The following EDEM3 variants were observed in gnomAD, a reference collection of about 807,000 sequenced individuals.
EDEM3 encodes the protein ER degradation-enhancing alpha-mannosidase-like protein 3.
A neutral mutation model predicts 110.2 loss-of-function variants in EDEM3; 60 were observed. The observed-to-expected ratio is 0.54, with a 90% CI of 0.44 to 0.67. The LOEUF (loss-of-function observed/expected upper bound fraction) is 0.67, where lower values mean the gene tolerates loss of function less well. Ranked by LOEUF, EDEM3 falls within the 30% of genes least tolerant of loss-of-function variation. The pLI is 0.00. For missense variants in EDEM3, 996 were observed against 1,121.0 expected (o/e 0.89, Z 1.59); for synonymous variants, 352 against 382.9 (o/e 0.92, Z 0.94).
chr1:184,733,093 G>A, intron 5 of EDEM3, 103 bp from the exon 6 acceptor site: 2 of 1,251,456 alleles, frequency 1.6e-6, no homozygotes, highest in Admixed American at 2.6e-5. Context: ...CATATTTAAG[G>A]AAAGACAAAA....
chr1:184,694,818 T>C (rs1649246323), intron 19 of EDEM3, among the ~76,000 whole-genome samples: 1 of 152,052 alleles, frequency 6.6e-6, no homozygotes. Flanking sequence ...ATGGCTAAAA[T>C]GTATTAGATA....
rs1392070521 is a variant in EDEM3, at chr1:184,693,394, T to TA, written c.*668_*669insT. 1 of 152,566 alleles carries TA rather than the reference T, an allele frequency of 6.6e-6. No individual in the cohort carries two copies. Among genetic ancestry groups the TA allele is most frequent in the Non-Finnish European group, 1.5e-5 (1 of 68,024 alleles). The allele number at this position is 152,566 out of a possible 1,614,324, so 9.5% of individuals were successfully genotyped here. On this transcript the variant is annotated 3_prime_UTR_variant, in exon 20 of 20. Transcript: ENST00000318130. ...TTTACCTGGTCCCACTGATTAGTCTTTATGCAGAGAACTCACTGAGAAAGT... is the reference window on the plus strand; with the variant it reads ...TTTACCTGGTCCCACTGATTAGTCTTATATGCAGAGAACTCACTGAGAAAGT...
chr1:184,747,712 A>C (rs1652509795), intron 2 of EDEM3, among the ~76,000 whole-genome samples: 1 of 152,232 alleles, frequency 6.6e-6, no homozygotes, highest in African/African-American at 2.4e-5. Context: ...TTGTAGCAGA[A>C]AGTTACTCAG....
intron 17 of EDEM3, among the ~76,000 whole-genome samples, chr1:184,707,768 T>A (rs564617959): frequency 6.6e-6 from 1 of 152,326 alleles, no homozygotes; most frequent in Non-Finnish European, 1.5e-5. Context: ...CTTTCTCCAG[T>A]CACTTGAGCC....
At chr1:184,698,134 A>C (rs1261605239) in intron 19 of EDEM3, among the ~76,000 whole-genome samples, 3 of 151,792 alleles carry the variant, frequency 2.0e-5, no homozygotes, top group Non-Finnish European at 4.4e-5. Flanking sequence ...AAATATGCTG[A>C]CTAAAATAGG....
rs1358908585 is a variant in EDEM3 at position 184,754,613 on chromosome 1, G to A, written c.34C>T (p.Pro12Ser). The change falls in exon 1 of 20, where the codon CCG becomes TCG. Residue 12 changes from proline (P) to serine (S), a missense_variant. Transcript: ENST00000318130. ...SEAGGRGCGSPVPQRARWRLV... is the reference protein window; with the variant it reads ...SEAGGRGCGSSVPQRARWRLV... ...CTCCATCGCGCTCGCTGGGGAACCGGGGACCCACAGCCCCGGCCGCCGGCT... is the reference window on the plus strand; with the variant it reads ...CTCCATCGCGCTCGCTGGGGAACCGAGGACCCACAGCCCCGGCCGCCGGCT... The A allele has an allele frequency of 1.2e-6, 2 of 1,604,914 alleles. No individual in the cohort carries two copies. Among genetic ancestry groups the A allele is most frequent in the South Asian group, 1.1e-5 (1 of 90,342 alleles).
Position 184,726,321 on chromosome 1 carries a change from A to G in EDEM3, c.681T>C (p.Ala227=), listed in dbSNP as rs775483431. The change falls in exon 7 of 20, where the codon GCT becomes GCC. Residue 227 remains alanine (A), a synonymous_variant. Coordinates refer to ENST00000318130, the MANE Select transcript of EDEM3 (RefSeq NM_025191.4). The part of the protein sequence containing the change: ...RTGTETDTCT[A]CAGTLILEFA... ...ATTCAAGGATCAAGGTACCTGCACA[A>G]GCTGTACAGGTATCTGTCTCAGTTC... The G allele has an allele frequency of 1.9e-6, 3 of 1,613,778 alleles. No homozygotes were observed. Among genetic ancestry groups the G allele is most frequent in the Non-Finnish European group, 2.5e-6 (3 of 1,179,848 alleles).
chr1:184,725,999 G>A (rs1651170103), intron 7 of EDEM3, among the ~76,000 whole-genome samples: 1 of 152,010 alleles, frequency 6.6e-6, no homozygotes, highest in African/African-American at 2.4e-5. Context: ...AAGTAATATG[G>A]CTAAAAAAAT....
At chr1:184,717,042 T>C (rs556785938) in intron 12 of EDEM3, 30 bp from the exon 13 acceptor site, 1 of 1,499,362 alleles carries the variant, frequency 6.7e-7, no homozygotes, top group Non-Finnish European at 9.1e-7. Context: ...ATGTATAATA[T>C]ATATAGCTTA....
chr1:184,746,592 G>A (rs2102133437), intron 2 of EDEM3, among the ~76,000 whole-genome samples: 1 of 152,286 alleles, frequency 6.6e-6, no homozygotes, highest in South Asian at 2.1e-4. Flanking sequence ...TCTTCATTTT[G>A]CAGAGATGAA....
chr1:184,699,914 A>G (rs1397020465), intron 19 of EDEM3, among the ~76,000 whole-genome samples: 1 of 151,904 alleles, frequency 6.6e-6, no homozygotes, highest in African/African-American at 2.4e-5. Flanking sequence ...TCTTAATTGT[A>G]AACTGCTTCA....
chr1:184,708,593 G>C (rs1451660039), intron 16 of EDEM3, among the ~76,000 whole-genome samples: 4 of 152,172 alleles, frequency 2.6e-5, no homozygotes, highest in African/African-American at 9.7e-5. Context: ...TTTTGATTCA[G>C]ATTGAGAACT....
At chr1:184,754,423 A>G (rs1652973107) in intron 1 of EDEM3, 66 bp downstream of exon 1, 2 of 1,600,182 alleles carry the variant, frequency 1.2e-6, no homozygotes, top group South Asian at 2.2e-5. Context: ...CCGGGTCGCA[A>G]TGACAGGCAC....
chr1:184,740,614 A>G lies in EDEM3; in HGVS notation c.205-2903T>C, dbSNP rs117366909. On this transcript the variant is annotated intron_variant, in intron 2 of 19. Transcript: ENST00000318130. ...CTCCTAGTCGCCCCGTGATAATCCT[A>G]TGTAATAGTTTACAAAAATGAACAA... Among the ~76,000 whole-genome samples the G allele has an allele frequency of 2.8e-3, 434 of 152,320 alleles. 5 individuals are homozygous for G. The East Asian group carries it at 0.036, about 13-fold the overall frequency.
chr1:184,722,779 C>T lies in EDEM3; in HGVS notation c.853+972G>A, dbSNP rs187496814. On this transcript the variant is annotated intron_variant, in intron 8 of 19. Transcript: ENST00000318130. The stretch of plus-strand genomic sequence containing the variant: ...TTATTTTACATATAAACAAGATAAG[C>T]TTTTTAGAAATAGAGAAAATGTATA... 3.0e-3 allele frequency among the ~76,000 whole-genome samples: 461 copies of T among 151,590 alleles called. 4 individuals are homozygous for T. The highest frequency in any genetic ancestry group is 0.011 in the African/African-American group (441 of 41,430).
chr1:184,706,166 C>T (rs1558044573), intron 18 of EDEM3, among the ~76,000 whole-genome samples: 1 of 152,052 alleles, frequency 6.6e-6, no homozygotes, highest in Non-Finnish European at 1.5e-5. Flanking sequence ...ATTTAATCTA[C>T]AGATTAAAAA....
At chr1:184,715,595 TA>T (rs1306872528) in intron 13 of EDEM3, among the ~76,000 whole-genome samples, 6 of 152,190 alleles carry the variant, frequency 3.9e-5, no homozygotes, top group African/African-American at 1.4e-4. Flanking sequence ...AATTCTGACT[TA>T]ATCTTACTAA....
intron 4 of EDEM3, among the ~76,000 whole-genome samples, chr1:184,735,522 CCTTTA>C (rs1482972747): frequency 1.3e-5 from 2 of 152,088 alleles, no homozygotes; most frequent in African/African-American, 4.8e-5. Context: ...AAGTAGTTTT[CCTTTA>C]CTTAACTGTT....
At chr1:184,737,319 A>G (rs1311800192) in intron 3 of EDEM3, among the ~76,000 whole-genome samples, 1 of 152,200 alleles carries the variant, frequency 6.6e-6, no homozygotes, top group East Asian at 1.9e-4. Context: ...ATATTAAAAC[A>G]TCAACAGTCC....
Sources: allele counts gnomAD v4.1 joint callset (sites outside exome capture counted in the v4.1 genomes callset), GRCh38; gene constraint gnomAD v4.1.1; transcripts MANE v1.5; gene names NCBI Gene and HGNC (gene_info 2026-07-23, HGNC 2026-07-21).